WDR18: variants seen among roughly 807,000 people sequenced by gnomAD.
WDR18 encodes the protein WD repeat-containing protein 18.
Under a neutral mutation model 49.6 loss-of-function variants are expected in WDR18, and 33 were observed. The observed-to-expected ratio is 0.67, with a 90% CI of 0.50 to 0.89. The LOEUF is 0.89. Among genes scored for constraint, WDR18 ranks in the 40% least tolerant of loss-of-function variants. The pLI is 0.00. For missense variants in WDR18, 653 were observed against 593.6 expected, an observed-to-expected ratio of 1.10 and a Z score of -1.04; for synonymous variants, 315 against 263.6, an observed-to-expected ratio of 1.19 and a Z score of -1.89.
In WDR18 at chr19:991,963, A is replaced by C. The variant is rs767624129; in HGVS notation, c.940A>C (p.Thr314Pro). 6 of 1,588,312 alleles carry C rather than the reference A, an allele frequency of 3.8e-6. No homozygotes were observed. The highest frequency in any genetic ancestry group is 5.1e-6 in the Non-Finnish European group (6 of 1,173,072). The change falls in exon 8 of 10, where the codon ACC (threonine) becomes CCC (proline). Residue 314 changes from threonine (T) to proline (P), a missense_variant. Coordinates refer to ENST00000585809, the MANE Select transcript of WDR18 (RefSeq NM_024100.4). Reference protein sequence around the residue: ...IRTVALKGPVTNAAILLAPVS... With the variant: ...IRTVALKGPVPNAAILLAPVS... Reference sequence around the variant, plus strand: ...ACCTCCGCGCCCCCCAGGCCCAGTCACCAATGCCGCCATCCTGCTGGCGCC... The same window carrying C: ...ACCTCCGCGCCCCCCAGGCCCAGTCCCCAATGCCGCCATCCTGCTGGCGCC...
intron 2 of WDR18, among the ~76,000 whole-genome samples, chr19:988,221 C>T (rs2285900): frequency 0.46 from 69,368 of 151,872 alleles, 16,647 homozygotes; most frequent in Non-Finnish European, 0.54. Flanking sequence ...ACTGTACCCC[C>T]CTGCCACGGT....
At position 992,073 on chromosome 19, in the gene WDR18, C is replaced by T; in HGVS notation, c.1050C>T (p.Asp350=). The T allele has an allele frequency of 6.4e-7, 1 of 1,553,586 alleles. No individual in the cohort carries two copies. The highest frequency in any genetic ancestry group is 1.8e-5 in the Admixed American group (1 of 55,014). Residue 350 remains aspartate (D), a synonymous_variant, in exon 8 of 10, where the codon GAC becomes GAT. Transcript: ENST00000585809. ...NKHLLGAEHG[D]EPRHGGLTLR... is the part of the protein sequence containing the mutation. ...ACCTGCTGGGCGCCGAGCACGGGGA[C>T]GAGCCGCGCCACGGGGGCCTCACTC...
chr19:987,757 T>C (rs2038489171), intron 2 of WDR18, among the ~76,000 whole-genome samples: 1 of 150,986 alleles, frequency 6.6e-6, no homozygotes, highest in Non-Finnish European at 1.5e-5. Context: ...CGGGACCCCT[T>C]CCTGTTCTTG....
In WDR18 at chr19:994,094, C is replaced by A; in HGVS notation, c.1167+6C>A. On this transcript the variant is annotated splice_donor_region_variant and intron_variant, in intron 9 of 9. Transcript: ENST00000585809. ...TGTGCAGCACCATGGAGAAGGTGGG[C>A]GGGGCCTCGGGAGGGGCGGGGCCTG... The A allele has an allele frequency of 6.5e-7, 1 of 1,547,274 alleles. No homozygotes were observed. The highest frequency in any genetic ancestry group is 8.7e-7 in the Non-Finnish European group (1 of 1,146,050).
At chr19:988,509 T>A (rs1170258635) in intron 2 of WDR18, among the ~76,000 whole-genome samples, 1 of 152,162 alleles carries the variant, frequency 6.6e-6, no homozygotes. Context: ...CCACCCTGGG[T>A]TTTGCATGCG....
intron 3 of WDR18, 22 bp downstream of exon 3, chr19:989,917 C>A (rs775255243): frequency 5.7e-6 from 9 of 1,580,008 alleles, no homozygotes; most frequent in South Asian, 1.2e-5. Flanking sequence ...CGCACTCAGG[C>A]CTGCACCTGG....
chr19:991,730 GGA>G (rs1157836230), intron 7 of WDR18, among the ~76,000 whole-genome samples: 7 of 64,104 alleles, frequency 1.1e-4, no homozygotes, highest in African/African-American at 4.7e-4. Flanking sequence ...GGCCTGGCTG[GGA>G]CGGGGCGGGG....
At position 984,446 on chromosome 19, in the gene WDR18, G is replaced by A. The variant is rs778958725; in HGVS notation, c.93G>A (p.Leu31=). The change falls in exon 1 of 10, where the codon CTG becomes CTA. Residue 31 remains leucine (L), a synonymous_variant. Coordinates refer to ENST00000585809, the MANE Select transcript of WDR18 (RefSeq NM_024100.4). ...IVWELHSGAN[L]LTYRGGQAGP... is the part of the protein sequence containing the mutation. ...GGGAACTTCACTCGGGCGCCAACCT[G>A]CTCACCTACCGCGGCGGCCAGGCGG... The A allele has an allele frequency of 1.9e-6, 3 of 1,598,512 alleles. No homozygotes were observed. In the East Asian group the frequency reaches 6.9e-5, roughly 37 times the overall value.
upstream of WDR18, chr19:984,288 C>A: frequency 6.9e-7 from 1 of 1,440,420 alleles, no homozygotes; most frequent in Non-Finnish European, 9.1e-7. Flanking sequence ...CCGCTCTGGC[C>A]CGCGTGGGGC....
At chr19:992,251 G>A (rs1356985668) in intron 8 of WDR18, 130 bp downstream of exon 8, 6 of 1,148,124 alleles carry the variant, frequency 5.2e-6, no homozygotes, top group Non-Finnish European at 6.9e-6. Flanking sequence ...TGGAGGGCGC[G>A]TCCTGTGAGT....
chr19:987,908 C>T (rs988022384), intron 2 of WDR18, among the ~76,000 whole-genome samples: 4 of 142,774 alleles, frequency 2.8e-5, no homozygotes. Flanking sequence ...AATCTCAGAT[C>T]ACTGCAACCT....
At chr19:991,389 G>C (rs1599447762) in intron 7 of WDR18, 38 bp downstream of exon 7, 4 of 1,516,916 alleles carry the variant, frequency 2.6e-6, no homozygotes, top group Admixed American at 2.1e-5. Context: ...CCAGCGCGCA[G>C]GGGAAAAAGC....
chr19:984,312 T>G (rs2145499862), upstream of WDR18: 1 of 1,523,274 alleles, frequency 6.6e-7, no homozygotes, highest in East Asian at 2.7e-5. Context: ...CGTCCGCGTC[T>G]CGCTCATGAT....
intron 3 of WDR18, 138 bp from the exon 4 acceptor site, chr19:990,085 C>T: frequency 7.2e-7 from 1 of 1,386,488 alleles, no homozygotes; most frequent in Non-Finnish European, 9.5e-7. Context: ...CGTGGGGGCC[C>T]AGCCTTGAGT....
rs193228964 is a variant in WDR18, at chr19:992,936, T to G, written c.1098+815T>G. Among the ~76,000 whole-genome samples the G allele has an allele frequency of 1.6e-4, 24 of 152,386 alleles. No homozygotes were observed. In the East Asian group the frequency reaches 4.2e-3, roughly 27 times the overall value. On this transcript the variant is annotated intron_variant, in intron 8 of 9. Coordinates refer to ENST00000585809, the MANE Select transcript of WDR18 (RefSeq NM_024100.4). ...CTGAGTACAGATTGATTTTTTTATC[T>G]GGAGGGTGCCCGACAGCCTGATGGC...
intron 8 of WDR18, 50 bp downstream of exon 8, chr19:992,171 C>A: frequency 7.2e-7 from 1 of 1,398,304 alleles, no homozygotes; most frequent in Non-Finnish European, 9.2e-7. Context: ...CCGGAAGACC[C>A]CGCGGGCCCT....
At chr19:986,210 C>T (rs1420983518) in intron 2 of WDR18, among the ~76,000 whole-genome samples, 1 of 152,230 alleles carries the variant, frequency 6.6e-6, no homozygotes, top group Non-Finnish European at 1.5e-5. Flanking sequence ...CGGTGCAGCC[C>T]AGTCCCCGGC....
Position 992,102 on chromosome 19 carries a change from G to A in WDR18, c.1079G>A (p.Arg360His), listed in dbSNP as rs1338171708. 4.0e-6 allele frequency: 6 copies of A among 1,503,066 alleles called. No individual in the cohort carries two copies. Among genetic ancestry groups the A allele is most frequent in the South Asian group, 3.8e-5 (3 of 78,164 alleles). 93.1% of individuals were successfully genotyped at this position (1,503,066 alleles called of 1,614,324 possible). A position where few individuals can be genotyped will look rare whatever the true frequency, so the allele number is the denominator to read the frequency against. Reference sequence around the variant, plus strand: ...CCGCGCCACGGGGGCCTCACTCTGCGCCTGGGCCTCCACCAGCAGGTACGG... The same window carrying A: ...CCGCGCCACGGGGGCCTCACTCTGCACCTGGGCCTCCACCAGCAGGTACGG... ...DEPRHGGLTL[R>H]LGLHQQGSEP... The change falls in exon 8 of 10, where the codon CGC becomes CAC. Residue 360 changes from arginine to histidine, a missense_variant. Transcript: ENST00000585809.
At chr19:989,317 G>A (rs958809938) in intron 2 of WDR18, among the ~76,000 whole-genome samples, 7 of 151,566 alleles carry the variant, frequency 4.6e-5, no homozygotes, top group Non-Finnish European at 8.8e-5. Context: ...GCTTCCTGCC[G>A]GAGCTTAAGC....
Sources: gnomAD v4.1 joint callset for allele counts (sites outside exome capture counted in the v4.1 genomes callset) on GRCh38, gnomAD v4.1.1 for gene constraint, MANE v1.5 for transcripts, NCBI Gene and HGNC (gene_info 2026-07-23, HGNC 2026-07-21) for gene names.